PDE1A: variants seen among roughly 807,000 people sequenced by gnomAD.
The protein encoded by PDE1A is phosphodiesterase 1A.
Under a neutral mutation model 61.7 loss-of-function variants are expected in PDE1A, and 35 were observed. That is an observed-to-expected ratio of 0.57 (90% confidence interval 0.43 to 0.75). PDE1A has a LOEUF of 0.75. Among genes scored for constraint, PDE1A ranks in the 30% least tolerant of loss-of-function variants. PDE1A has a pLI of 0.00. For synonymous variants in PDE1A, 232 were observed against 213.2 expected, an observed-to-expected ratio of 1.09 and a Z score of -0.77; for missense variants, 597 against 630.6, an observed-to-expected ratio of 0.95 and a Z score of 0.57.
At chr2:182,516,029 T>C (rs377640685) in intron 2 of PDE1A, among the ~76,000 whole-genome samples, 2 of 150,060 alleles carry the variant, frequency 1.3e-5, no homozygotes, top group Admixed American at 1.3e-4. Flanking sequence ...ATGGTCATGT[T>C]GATGTGTTCT....
At chr2:182,700,962 G>C in the PDE1A span, among the ~76,000 whole-genome samples, 1 of 151,868 alleles carries the variant, frequency 6.6e-6, no homozygotes, top group Non-Finnish European at 1.5e-5. Context: ...GTCCTAATTA[G>C]TTTTCATTTA....
intron 2 of PDE1A, among the ~76,000 whole-genome samples, chr2:182,489,169 T>A (rs72625269): frequency 0.36 from 54,270 of 151,752 alleles, 10,455 homozygotes; most frequent in East Asian, 0.6. Context: ...CAGACAAGAG[T>A]GTACCAGGAA....
intron 2 of PDE1A, among the ~76,000 whole-genome samples, chr2:182,440,864 C>T (rs1012256962): frequency 2.6e-5 from 4 of 151,754 alleles, no homozygotes; most frequent in African/African-American, 7.3e-5. Context: ...ATTACTGTAG[C>T]TTTTAGTATG....
At chr2:182,218,535 T>A (rs1202366200) in intron 7 of PDE1A, among the ~76,000 whole-genome samples, 1 of 151,884 alleles carries the variant, frequency 6.6e-6, no homozygotes, top group African/African-American at 2.4e-5. Context: ...AAATTATGTA[T>A]CCTTTGACCA....
intron 2 of PDE1A, among the ~76,000 whole-genome samples, chr2:182,249,740 CCA>C (rs1559251800): frequency 6.7e-6 from 1 of 149,088 alleles, no homozygotes; most frequent in South Asian, 2.1e-4. Flanking sequence ...AACCCCCCCC[CCA>C]AAAAAAACAG....
At chr2:182,608,657 A>T in the PDE1A span, among the ~76,000 whole-genome samples, 3 of 152,188 alleles carry the variant, frequency 2.0e-5, no homozygotes, top group African/African-American at 4.8e-5. Flanking sequence ...AGGGCTCGGG[A>T]CCTGCAGCGG....
chr2:182,375,157 G>T (rs918049300), intron 1 of PDE1A, among the ~76,000 whole-genome samples: 9 of 152,134 alleles, frequency 5.9e-5, no homozygotes, highest in Non-Finnish European at 1.0e-4. Flanking sequence ...ACATCATTCT[G>T]CCCCTGGCTC....
intron 13 of PDE1A, among the ~76,000 whole-genome samples, chr2:182,176,201 G>GT (rs1365122660): frequency 6.7e-6 from 1 of 148,294 alleles, no homozygotes. Context: ...CTTTAAAGTA[G>GT]TTTTTTCCAA....
downstream of PDE1A, among the ~76,000 whole-genome samples, chr2:182,166,343 G>A (rs1052692240): frequency 6.6e-5 from 10 of 152,124 alleles, no homozygotes; most frequent in Admixed American, 6.5e-4. Context: ...GGTAGAAAAA[G>A]GGAGACACTC....
At chr2:182,519,876 A>G (rs1690457756) in intron 2 of PDE1A, among the ~76,000 whole-genome samples, 1 of 151,910 alleles carries the variant, frequency 6.6e-6, no homozygotes, top group Admixed American at 6.6e-5. Context: ...TGGAAGCTCA[A>G]TTAAAAACAG....
At chr2:182,629,302 G>A in the PDE1A span, among the ~76,000 whole-genome samples, 1 of 152,158 alleles carries the variant, frequency 6.6e-6, no homozygotes. Context: ...GAAAATAAGT[G>A]TATGTCATTT....
the PDE1A span, among the ~76,000 whole-genome samples, chr2:182,712,610 G>T: frequency 6.6e-6 from 1 of 151,954 alleles, no homozygotes; most frequent in South Asian, 2.1e-4. Context: ...AAGCTGGAGT[G>T]CAGTGGCCTG....
At chr2:182,468,373 A>G (rs1686809435) in intron 2 of PDE1A, among the ~76,000 whole-genome samples, 1 of 152,018 alleles carries the variant, frequency 6.6e-6, no homozygotes, top group Non-Finnish European at 1.5e-5. Flanking sequence ...AGTAGATTCC[A>G]TCTCAATAAA....
the PDE1A span, among the ~76,000 whole-genome samples, chr2:182,560,427 T>G: frequency 6.6e-6 from 1 of 151,572 alleles, no homozygotes; most frequent in South Asian, 2.1e-4. Context: ...TATTCCATGG[T>G]GTATATGTGC....
At chr2:182,335,459 G>A (rs1028017636) in intron 1 of PDE1A, among the ~76,000 whole-genome samples, 6 of 152,014 alleles carry the variant, frequency 3.9e-5, no homozygotes, top group South Asian at 2.1e-4. Flanking sequence ...CAGAAATAAC[G>A]CCAACACATC....
At chr2:182,381,437 T>C (rs1422104028) in intron 1 of PDE1A, among the ~76,000 whole-genome samples, 1 of 152,188 alleles carries the variant, frequency 6.6e-6, no homozygotes, top group African/African-American at 2.4e-5. Flanking sequence ...CACAGGATGG[T>C]GGCGAATTGC....
At chr2:182,298,198 C>G (rs185001576) in intron 1 of PDE1A, among the ~76,000 whole-genome samples, 2 of 152,254 alleles carry the variant, frequency 1.3e-5, no homozygotes, top group Non-Finnish European at 2.9e-5. Flanking sequence ...CACATAGCAT[C>G]TGAGAGCTGT....
intron 2 of PDE1A, among the ~76,000 whole-genome samples, chr2:182,441,823 C>G (rs1226700175): frequency 6.6e-6 from 1 of 152,010 alleles, no homozygotes; most frequent in Non-Finnish European, 1.5e-5. Flanking sequence ...CTGGGACAAT[C>G]TGAGCATCAA....
intron 2 of PDE1A, among the ~76,000 whole-genome samples, chr2:182,496,084 G>C (rs1310590737): frequency 6.6e-6 from 1 of 152,100 alleles, no homozygotes; most frequent in Non-Finnish European, 1.5e-5. Flanking sequence ...ATAGGAATTT[G>C]TTTTATCTAC....
Sources: allele counts gnomAD v4.1 joint callset (sites outside exome capture counted in the v4.1 genomes callset), GRCh38; gene constraint gnomAD v4.1.1; transcripts MANE v1.5; gene names NCBI Gene and HGNC (gene_info 2026-07-23, HGNC 2026-07-21).